Variants in CXCL13 observed in about 807,000 individuals in gnomAD.
CXCL13 encodes the protein C-X-C motif chemokine 13.
Under a neutral mutation model 12.2 loss-of-function variants are expected in CXCL13, and 7 were observed. That is an observed-to-expected ratio of 0.57 (90% CI 0.33 to 1.07). CXCL13 has a LOEUF of 1.07. Among genes scored for constraint, CXCL13 ranks in the 50% least tolerant of loss-of-function variants. CXCL13 has a pLI of 0.04. For missense variants in CXCL13, 113 were observed against 127.4 expected (o/e 0.89, Z 0.55); for synonymous variants, 47 against 42.4 (o/e 1.11, Z -0.42).
At chr4:77,539,492 C>T (rs1725149790) in intron 1 of CXCL13, among the ~76,000 whole-genome samples, 2 of 152,196 alleles carry the variant, frequency 1.3e-5, no homozygotes, top group African/African-American at 2.4e-5. Flanking sequence ...CATCCCTTCT[C>T]CTCTAATTCT....
chr4:77,556,089 C>A (rs80224728), intron 1 of CXCL13, among the ~76,000 whole-genome samples: 7 of 152,322 alleles, frequency 4.6e-5, no homozygotes, highest in East Asian at 3.9e-4. Flanking sequence ...TCTGTCAATT[C>A]TATTCCTACA....
rs567853210 is a variant in CXCL13, at chr4:77,525,849, G to C, written c.-43+14061G>C. On this transcript the variant is annotated intron_variant, in intron 1 of 4. Transcript: ENST00000286758. Reference sequence around the variant, plus strand: ...TGGTGTGAATTCCATCAATTCAGCAGATGGGTGGGGAAATGAAAATTTTCC... The same window carrying C: ...TGGTGTGAATTCCATCAATTCAGCACATGGGTGGGGAAATGAAAATTTTCC... Among the ~76,000 whole-genome samples the C allele has an allele frequency of 2.0e-5, 3 of 151,926 alleles. No individual in the cohort carries two copies. The South Asian group carries it at 6.2e-4, about 32-fold the overall frequency.
At chr4:77,605,531 C>T (rs72650484), upstream of CXCL13, among the ~76,000 whole-genome samples, 438 of 152,200 alleles carry the variant, frequency 2.9e-3, 1 homozygote, top group Non-Finnish European at 4.9e-3. Context: ...TCACCAATAG[C>T]GCTACTAAAG....
chr4:77,584,645 A>G (rs1471436083), intron 1 of CXCL13, among the ~76,000 whole-genome samples: 1 of 152,194 alleles, frequency 6.6e-6, no homozygotes, highest in Non-Finnish European at 1.5e-5. Context: ...GGAAATGCTG[A>G]GGAGTGAGCT....
intron 1 of CXCL13, among the ~76,000 whole-genome samples, chr4:77,567,637 C>T (rs1725970639): frequency 6.6e-6 from 1 of 152,286 alleles, no homozygotes; most frequent in South Asian, 2.1e-4. Flanking sequence ...CCAAAACCCA[C>T]CAAAACCAAG....
At chr4:77,550,103 G>C (rs780392400) in intron 1 of CXCL13, among the ~76,000 whole-genome samples, 2 of 152,218 alleles carry the variant, frequency 1.3e-5, no homozygotes, top group African/African-American at 4.8e-5. Context: ...TCAAACTGCT[G>C]TGCTAGCAGT....
intron 3 of CXCL13, 89 bp from the exon 4 acceptor site, chr4:77,610,899 A>C: frequency 3.4e-6 from 4 of 1,182,214 alleles, no homozygotes; most frequent in Non-Finnish European, 5.0e-6. Context: ...AGTATACATA[A>C]GAGTCCTTGC....
rs74827682 is a variant in CXCL13 at position 77,565,930 on chromosome 4, A to G, written c.-42-39894A>G. Among the ~76,000 whole-genome samples the G allele has an allele frequency of 2.8e-4, 43 of 152,372 alleles. 1 individual carries two copies. In the East Asian group the frequency reaches 8.3e-3, roughly 29 times the overall value. On this transcript the variant is annotated intron_variant, in intron 1 of 4. Transcript: ENST00000286758. ...ATATAATAGCTACACAAAGGTAGCAATAGCATAAACAAATCCTACAAACCT... is the reference window on the plus strand; with the variant it reads ...ATATAATAGCTACACAAAGGTAGCAGTAGCATAAACAAATCCTACAAACCT...
chr4:77,604,210 A>T (rs1033032704), upstream of CXCL13, among the ~76,000 whole-genome samples: 1 of 152,150 alleles, frequency 6.6e-6, no homozygotes, highest in South Asian at 2.1e-4. Flanking sequence ...GGGGTAGAAG[A>T]GTCTGAACAT....
chr4:77,540,896 T>G (rs1220944612), intron 1 of CXCL13, among the ~76,000 whole-genome samples: 3 of 152,164 alleles, frequency 2.0e-5, no homozygotes, highest in African/African-American at 7.2e-5. Flanking sequence ...AGCCTTCCCT[T>G]TTCTCCACAG....
At chr4:77,551,143 T>A (rs1725506208) in intron 1 of CXCL13, among the ~76,000 whole-genome samples, 1 of 152,230 alleles carries the variant, frequency 6.6e-6, no homozygotes, top group Admixed American at 6.5e-5. Flanking sequence ...AACATTGATA[T>A]GTGAAGTTTT....
At chr4:77,602,772 AT>A (rs1471356876), upstream of CXCL13, among the ~76,000 whole-genome samples, 1 of 152,198 alleles carries the variant, frequency 6.6e-6, no homozygotes, top group Non-Finnish European at 1.5e-5. Flanking sequence ...TTAAAAATAA[AT>A]TGTTTCCATT....
intron 1 of CXCL13, among the ~76,000 whole-genome samples, chr4:77,578,251 A>G (rs1011532916): frequency 2.0e-5 from 3 of 152,108 alleles, no homozygotes; most frequent in African/African-American, 7.2e-5. Context: ...TCACCTTTAG[A>G]CTATCAAACT....
chr4:77,543,857 C>T (rs1295418553), intron 1 of CXCL13, among the ~76,000 whole-genome samples: 1 of 152,114 alleles, frequency 6.6e-6, no homozygotes, highest in African/African-American at 2.4e-5. Context: ...ACTAACTCGT[C>T]ATTTACATTA....
chr4:77,541,191 C>T (rs137942773), intron 1 of CXCL13, among the ~76,000 whole-genome samples: 5 of 152,130 alleles, frequency 3.3e-5, no homozygotes, highest in African/African-American at 1.2e-4. Flanking sequence ...ATATTTCTCT[C>T]ATTCTGTAGG....
chr4:77,568,165 C>A lies in CXCL13; in HGVS notation c.-42-37659C>A, dbSNP rs574248784. Among the ~76,000 whole-genome samples, 241 of 152,312 alleles carry A rather than the reference C, an allele frequency of 1.6e-3. 1 individual carries two copies. Among genetic ancestry groups the A allele is most frequent in the Non-Finnish European group, 1.7e-3 (116 of 68,030 alleles). ...ACTCCAAATTAAGACTGATCAGCAC[C>A]ATTCAGACCTGACAGATGGGCATGT... is the stretch of plus-strand genomic sequence containing the variant. On this transcript the variant is annotated intron_variant, in intron 1 of 4. Transcript: ENST00000286758.
At chr4:77,546,201 A>G (rs1254033269) in intron 1 of CXCL13, among the ~76,000 whole-genome samples, 1 of 152,154 alleles carries the variant, frequency 6.6e-6, no homozygotes, top group Non-Finnish European at 1.5e-5. Context: ...ATATTGGTCT[A>G]AAATTCTCTT....
intron 1 of CXCL13, among the ~76,000 whole-genome samples, chr4:77,518,104 A>G (rs1000116755): frequency 7.2e-5 from 11 of 152,142 alleles, no homozygotes; most frequent in Non-Finnish European, 1.3e-4. Context: ...CTTTTCTTTA[A>G]GAATGGTGAA....
chr4:77,608,440 C>CA lies in CXCL13; in HGVS notation c.197+619dup, dbSNP rs5859581. On this transcript the variant is annotated intron_variant, in intron 2 of 3. Coordinates refer to ENST00000682537, the MANE Select transcript of CXCL13 (RefSeq NM_001371558.1). ...GGGCAACAAGAGCGAAACTCCATCT[C>CA]AAAAAAAAAAAAAAGAAAGAAAGAA... 1.1e-3 allele frequency among the ~76,000 whole-genome samples: 144 copies of CA among 129,554 alleles called. 1 individual carries two copies. The Middle Eastern group carries it at 0.011, about 10-fold the overall frequency. 85.0% of individuals were successfully genotyped at this position (129,554 alleles called of 152,430 possible).
Sources: allele counts gnomAD v4.1 joint callset (sites outside exome capture counted in the v4.1 genomes callset), GRCh38; gene constraint gnomAD v4.1.1; transcripts MANE v1.5; gene names NCBI Gene and HGNC (gene_info 2026-07-23, HGNC 2026-07-21).